Variants in PTPRZ1 observed in about 807,000 individuals in gnomAD.
PTPRZ1 encodes protein tyrosine phosphatase receptor type Z1.
In PTPRZ1, 82 loss-of-function variants were observed where a neutral mutation model predicts 214.1. The observed-to-expected ratio is 0.38, with a 90% CI of 0.32 to 0.46. The LOEUF (loss-of-function observed/expected upper bound fraction) is 0.46. PTPRZ1 is among the 20% of genes least tolerant of loss of function. The probability of loss-of-function intolerance (pLI) is 1.00; values close to 1 mark genes in which losing one functional copy is unlikely to be tolerated. For missense variants in PTPRZ1, 2,603 were observed against 2,748.7 expected, an observed-to-expected ratio of 0.95 and a Z score of 1.19; for synonymous variants, 945 against 987.9, an observed-to-expected ratio of 0.96 and a Z score of 0.81.
chr7:121,976,746 GTTTTA>G (rs1797449001), intron 5 of PTPRZ1, 34 bp from the exon 6 acceptor site: 3 of 1,452,750 alleles, frequency 2.1e-6, no homozygotes, highest in Non-Finnish European at 2.8e-6. Context: ...TTATCCAAAT[GTTTTA>G]TTCTTTTTTT....
At chr7:122,034,809 C>T (rs543798182) in intron 17 of PTPRZ1, among the ~76,000 whole-genome samples, 11 of 152,024 alleles carry the variant, frequency 7.2e-5, no homozygotes, top group Non-Finnish European at 1.6e-4. Context: ...TCTTGGCATT[C>T]TTCCTGGGGT....
intron 27 of PTPRZ1, among the ~76,000 whole-genome samples, chr7:122,057,642 AT>A (rs1161329846): frequency 2.2e-5 from 2 of 90,148 alleles, no homozygotes; most frequent in Admixed American, 2.0e-4. Context: ...TTTCTTTGTG[AT>A]TCTTTTTTTT....
chr7:121,896,309 A>G (rs139585791), intron 1 of PTPRZ1, among the ~76,000 whole-genome samples: 2 of 152,298 alleles, frequency 1.3e-5, no homozygotes, highest in Non-Finnish European at 2.9e-5. Context: ...CTGAAACTCT[A>G]TATCCATTGA....
intron 13 of PTPRZ1, among the ~76,000 whole-genome samples, chr7:122,026,858 C>T (rs1392031591): frequency 6.6e-6 from 1 of 152,154 alleles, no homozygotes; most frequent in East Asian, 1.9e-4. Context: ...TTTTACACCA[C>T]TCCTACTTAT....
At chr7:121,923,853 T>A (rs1049173243) in intron 1 of PTPRZ1, among the ~76,000 whole-genome samples, 1 of 152,016 alleles carries the variant, frequency 6.6e-6, no homozygotes, top group Non-Finnish European at 1.5e-5. Flanking sequence ...TATTTTTATA[T>A]ATGCTTGTAT....
intron 14 of PTPRZ1, among the ~76,000 whole-genome samples, chr7:122,030,957 G>A (rs956470601): frequency 1.9e-4 from 29 of 151,790 alleles, no homozygotes; most frequent in African/African-American, 7.0e-4. Flanking sequence ...CCATATAAAT[G>A]TTTTCTATTA....
chr7:121,928,161 G>A lies in PTPRZ1; in HGVS notation c.64G>A (p.Ala22Thr), dbSNP rs1795818809. The part of the protein sequence containing the change: ...QLLCVCRLDW[A>T]NGYYRQQRKL... The stretch of plus-strand genomic sequence containing the variant: ...TTGGTTTTTCTTTTTTATAGATTGG[G>A]CTAATGGATACTACAGACAACAGAG... The change falls in exon 2 of 30, where the codon GCT becomes ACT. Residue 22 changes from alanine (A) to threonine (T), a missense_variant. By Grantham distance (58) the Ala-to-Thr change is moderately conservative. Around this residue, in one of 6 missense-constraint regions of PTPRZ1, gnomAD observed 141 missense variants for 143.7 expected, o/e 0.98. Coordinates refer to ENST00000393386, the MANE Select transcript of PTPRZ1 (RefSeq NM_002851.3). 6.2e-7 allele frequency: 1 copy of A among 1,610,822 alleles called. No individual in the cohort carries two copies. The highest frequency in any genetic ancestry group is 2.2e-5 in the East Asian group (1 of 44,740).
At chr7:121,986,431 G>A (rs1193267329) in intron 8 of PTPRZ1, among the ~76,000 whole-genome samples, 2 of 152,110 alleles carry the variant, frequency 1.3e-5, no homozygotes, top group Non-Finnish European at 2.9e-5. Flanking sequence ...TTAAAGACAT[G>A]AAGCTTCAAA....
At chr7:121,910,314 G>A (rs969783306) in intron 1 of PTPRZ1, among the ~76,000 whole-genome samples, 7 of 152,054 alleles carry the variant, frequency 4.6e-5, no homozygotes, top group Admixed American at 1.3e-4. Flanking sequence ...GCCTTATTCC[G>A]CTCTAATGCT....
At chr7:122,021,674 A>G (rs568305721) in intron 13 of PTPRZ1, among the ~76,000 whole-genome samples, 118 of 152,232 alleles carry the variant, frequency 7.8e-4, no homozygotes, top group African/African-American at 2.3e-3. Context: ...CCAGGAGTCA[A>G]GGTTACAGTG....
intron 11 of PTPRZ1, among the ~76,000 whole-genome samples, chr7:122,007,988 CACT>C (rs2116645802): frequency 6.6e-6 from 1 of 152,256 alleles, no homozygotes; most frequent in South Asian, 2.1e-4. Context: ...TAATCACCCT[CACT>C]GGGTTCTGAG....
intron 1 of PTPRZ1, among the ~76,000 whole-genome samples, chr7:121,878,277 T>G (rs1794122298): frequency 6.6e-6 from 1 of 152,238 alleles, no homozygotes; most frequent in South Asian, 2.1e-4. Flanking sequence ...CTCAGTAATC[T>G]GTGTGGCTAG....
chr7:121,900,979 G>A (rs2116262251), intron 1 of PTPRZ1, among the ~76,000 whole-genome samples: 1 of 152,204 alleles, frequency 6.6e-6, no homozygotes, highest in East Asian at 1.9e-4. Context: ...TAAGGCATAG[G>A]GAGGTCATAT....
intron 12 of PTPRZ1, among the ~76,000 whole-genome samples, chr7:122,017,513 C>A (rs371568982): frequency 6.6e-6 from 1 of 150,986 alleles, no homozygotes; most frequent in Non-Finnish European, 1.5e-5. Flanking sequence ...AGTGTGTGTG[C>A]CATTTATATT....
chr7:121,894,700 C>G (rs1794735423), intron 1 of PTPRZ1, among the ~76,000 whole-genome samples: 1 of 152,206 alleles, frequency 6.6e-6, no homozygotes, highest in Non-Finnish European at 1.5e-5. Context: ...GCCACCACAC[C>G]TGGTCCTAAA....
intron 1 of PTPRZ1, among the ~76,000 whole-genome samples, chr7:121,926,751 T>C (rs1424712139): frequency 6.6e-6 from 1 of 152,194 alleles, no homozygotes; most frequent in African/African-American, 2.4e-5. Flanking sequence ...TCGTAAATAT[T>C]CTAAAAGCCA....
At chr7:121,874,060 A>ACACACACACC (rs1793974312) in intron 1 of PTPRZ1, among the ~76,000 whole-genome samples, 1 of 151,692 alleles carries the variant, frequency 6.6e-6, no homozygotes, top group Admixed American at 6.6e-5. Flanking sequence ...ACACACACAC[A>ACACACACACC]CACACCTGAA....
At position 121,984,008 on chromosome 7, in the gene PTPRZ1, T is replaced by C. The variant is rs1208623335; in HGVS notation, c.819T>C (p.Gly273=). The change falls in exon 8 of 30, where the codon GGT becomes GGC. Residue 273 remains glycine (G), a synonymous_variant. Coordinates refer to ENST00000393386, the MANE Select transcript of PTPRZ1 (RefSeq NM_002851.3). ...AAGTTCTTACAATGCAACAATCTGG[T>C]TATGTCATGCTGATGGACTACTTAC... ...FCEVLTMQQS[G]YVMLMDYLQN... is the part of the protein sequence containing the mutation. 6.2e-7 allele frequency: 1 copy of C among 1,613,764 alleles called. No individual in the cohort carries two copies. The highest frequency in any genetic ancestry group is 8.5e-7 in the Non-Finnish European group (1 of 1,179,832).
At chr7:122,041,711 G>A (rs1429889199) in intron 21 of PTPRZ1, among the ~76,000 whole-genome samples, 1 of 152,152 alleles carries the variant, frequency 6.6e-6, no homozygotes. Context: ...TTGTTTCTAT[G>A]TGAAGTATTG....
Sources: gnomAD v4.1 joint callset for allele counts (sites outside exome capture counted in the v4.1 genomes callset) on GRCh38, gnomAD v4.1.1 for gene constraint, gnomAD v4.1.1 regional missense constraint, MANE v1.5 for transcripts, NCBI Gene and HGNC (gene_info 2026-07-23, HGNC 2026-07-21) for gene names.